Variants in HDAC4 observed in about 807,000 individuals in gnomAD.
HDAC4 encodes histone deacetylase 4, also known as histone deacetylase A.
Under a neutral mutation model 135.1 loss-of-function variants are expected in HDAC4, and 16 were observed. The observed-to-expected ratio is 0.12, with a 90% confidence interval of 0.08 to 0.18. The LOEUF (loss-of-function observed/expected upper bound fraction) is 0.18, where lower values mean the gene tolerates loss of function less well. HDAC4 is among the 10% of genes least tolerant of loss of function. The pLI, the probability that HDAC4 is intolerant of heterozygous loss-of-function variation, is 1.00. For synonymous variants in HDAC4, 685 were observed against 653.4 expected, an observed-to-expected ratio of 1.05 and a Z score of -0.74; for missense variants, 1,143 against 1,511.8, an observed-to-expected ratio of 0.76 and a Z score of 4.05.
Position 239,208,012 on chromosome 2 carries a change from G to A in HDAC4, c.95-17935C>T, listed in dbSNP as rs1337944306. On this transcript the variant is annotated intron_variant, in intron 3 of 26. Transcript: ENST00000543185. The stretch of plus-strand genomic sequence containing the variant: ...AAAAGACAGCAGACCAATACACCTG[G>A]TGTTTTAACACAAGAAAACACAAGA... Among the ~76,000 whole-genome samples, 3 of 146,924 alleles carry A rather than the reference G, an allele frequency of 2.0e-5. No individual in the cohort carries two copies. In the East Asian group the frequency reaches 5.8e-4, roughly 28 times the overall value.
At position 239,307,702 on chromosome 2, in the gene HDAC4, T is replaced by A. The variant is rs1326296708; in HGVS notation, c.22+44976A>T. ...TCAGATGACGTTCTCATGACCGCACTTGGTCTAAGCAAATGCTGCTGGGAT... is the reference window on the plus strand; with the variant it reads ...TCAGATGACGTTCTCATGACCGCACATGGTCTAAGCAAATGCTGCTGGGAT... On this transcript the variant is annotated intron_variant, in intron 2 of 26. Coordinates refer to ENST00000543185, the MANE Select transcript of HDAC4 (RefSeq NM_001378414.1). This position sits in a 1 kb window ranked among gnomAD's most constrained non-coding sequence, Gnocchi z 4.8. 6.6e-6 allele frequency among the ~76,000 whole-genome samples: 1 copy of A among 152,106 alleles called. No homozygotes were observed. The highest frequency in any genetic ancestry group is 6.5e-5 in the Admixed American group (1 of 15,276).
rs1034787021 is a variant in HDAC4, at chr2:239,400,072, T to C, written c.-220+906A>G. Among the ~76,000 whole-genome samples the C allele has an allele frequency of 6.6e-6, 1 of 151,756 alleles. No homozygotes were observed. Among genetic ancestry groups the C allele is most frequent in the Non-Finnish European group, 1.5e-5 (1 of 67,982 alleles). ...CGCTCAATGTAAATACGAGATAATT[T>C]GCTTATGATTCCGTGGTGTGTTTTC... On this transcript the variant is annotated intron_variant, in intron 1 of 26. Transcript: ENST00000543185. This position sits in a 1 kb window ranked among gnomAD's most constrained non-coding sequence, Gnocchi z 4.7.
chr2:239,200,471 G>A (rs1050824668), intron 3 of HDAC4, among the ~76,000 whole-genome samples: 6 of 152,154 alleles, frequency 3.9e-5, no homozygotes, highest in Non-Finnish European at 7.3e-5. Context: ...TGTAACTTAA[G>A]TGGCCCTACC....
intron 2 of HDAC4, among the ~76,000 whole-genome samples, chr2:239,247,640 A>C (rs2048543349): frequency 6.6e-6 from 1 of 152,332 alleles, no homozygotes; most frequent in African/African-American, 2.4e-5. Flanking sequence ...ACTGCTGAAC[A>C]TCACAAACTC....
In HDAC4 at chr2:239,285,727, A is replaced by T. The variant is rs2051101216; in HGVS notation, c.23-49063T>A. 6.6e-6 allele frequency among the ~76,000 whole-genome samples: 1 copy of T among 152,126 alleles called. No individual in the cohort carries two copies. Among genetic ancestry groups the T allele is most frequent in the South Asian group, 2.1e-4 (1 of 4,824 alleles). ...CCAGCAGTAAGGAAACCCTCCAACA[A>T]GCCAGAAATATATAATTAAGGGAAA... On this transcript the variant is annotated intron_variant, in intron 2 of 26. Transcript: ENST00000543185. The surrounding 1 kb of genome is among the most constrained non-coding windows in gnomAD (Gnocchi z 4.5).
At chr2:239,074,080 ACAGGACTGAGGGGGGCCG>A (rs1352507645) in intron 22 of HDAC4, among the ~76,000 whole-genome samples, 9 of 120,706 alleles carry the variant, frequency 7.5e-5, no homozygotes, top group Admixed American at 3.1e-4. Flanking sequence ...TGAGGGGGCC[ACAGGACTGAGGGGGGCCG>A]CAGGACTGAG....
intron 6 of HDAC4, among the ~76,000 whole-genome samples, chr2:239,157,221 G>A (rs1278206743): frequency 1.3e-5 from 2 of 152,220 alleles, no homozygotes; most frequent in East Asian, 1.9e-4. Context: ...GGCAAAAAAC[G>A]GTCTAAGAAC....
chr2:239,298,109 A>C (rs1181256917), intron 2 of HDAC4: 1 of 938,740 alleles, frequency 1.1e-6, no homozygotes, highest in Non-Finnish European at 1.5e-6. Flanking sequence ...ACAGGATAAA[A>C]AAAATTAATG....
In HDAC4 at chr2:239,095,062, G is replaced by T. The variant is rs772328890; in HGVS notation, c.2234-6C>A. 1.6e-4 allele frequency: 255 copies of T among 1,613,706 alleles called. No homozygotes were observed. The highest frequency in any genetic ancestry group is 2.1e-4 in the Non-Finnish European group (244 of 1,179,962). The stretch of plus-strand genomic sequence containing the variant: ...GAACACGGAGGCGAGCGAGCCTGTG[G>T]GGGGGAGGGAGACGGTCAGAGAGGC... On this transcript the variant is annotated splice_region_variant and splice_polypyrimidine_tract_variant and intron_variant, in intron 16 of 26. Coordinates refer to ENST00000543185, the MANE Select transcript of HDAC4 (RefSeq NM_001378414.1).
intron 4 of HDAC4, chr2:239,186,382 T>C (rs1277637025): frequency 6.6e-6 from 1 of 152,174 alleles, no homozygotes; most frequent in East Asian, 1.9e-4. Context: ...TAACAAACAA[T>C]ATGATGGCTT....
Position 239,381,947 on chromosome 2 carries a change from T to G in HDAC4, c.-220+19031A>C, listed in dbSNP as rs189959725. Among the ~76,000 whole-genome samples, 5 of 152,280 alleles carry G rather than the reference T, an allele frequency of 3.3e-5. No homozygotes were observed. In the East Asian group the frequency reaches 9.6e-4, roughly 29 times the overall value. On this transcript the variant is annotated intron_variant, in intron 1 of 26. Transcript: ENST00000543185. Reference sequence around the variant, plus strand: ...TTCCACGTCACACACACACACTCCATCAGCTGAGACTGCTCACTGGGCTTT... The same window carrying G: ...TTCCACGTCACACACACACACTCCAGCAGCTGAGACTGCTCACTGGGCTTT...
chr2:239,227,771 G>C (rs545992103), intron 3 of HDAC4, among the ~76,000 whole-genome samples: 3 of 152,134 alleles, frequency 2.0e-5, no homozygotes, highest in Admixed American at 6.5e-5. Context: ...AAGCCAGAAG[G>C]GCCCTCTGAA....
rs1443984421 is a variant in HDAC4, at chr2:239,074,604, T to C, written c.2751-5997A>G. On this transcript the variant is annotated intron_variant, in intron 22 of 26. Transcript: ENST00000543185. ...TCGGATGCACGTGCCCACACACTCA[T>C]TTTCATTTTACTGGGCTCAACACCC... 2.0e-5 allele frequency among the ~76,000 whole-genome samples: 3 copies of C among 152,214 alleles called. No homozygotes were observed. In the East Asian group the frequency reaches 5.8e-4, roughly 29 times the overall value.
chr2:239,256,866 A>G (rs2049079241), intron 2 of HDAC4, among the ~76,000 whole-genome samples: 1 of 142,690 alleles, frequency 7.0e-6, no homozygotes, highest in Non-Finnish European at 1.5e-5. Context: ...TAATAATACT[A>G]ATTTTACCAT....
At chr2:239,358,621 A>C (rs1693669634) in intron 1 of HDAC4, among the ~76,000 whole-genome samples, 1 of 152,184 alleles carries the variant, frequency 6.6e-6, no homozygotes, top group Admixed American at 6.5e-5. Context: ...CTCACACCTC[A>C]GTATCTCTGT....
chr2:239,131,951 C>T (rs948774058), intron 11 of HDAC4, among the ~76,000 whole-genome samples: 96 of 152,276 alleles, frequency 6.3e-4, no homozygotes, highest in African/African-American at 2.0e-3. Context: ...GAGGACAGAC[C>T]GGAGGGGAGG....
At chr2:239,075,418 G>A (rs993648286) in intron 22 of HDAC4, among the ~76,000 whole-genome samples, 1 of 151,990 alleles carries the variant, frequency 6.6e-6, no homozygotes, top group African/African-American at 2.4e-5. Flanking sequence ...CCCACTGATC[G>A]TCCACTGATC....
In HDAC4 at chr2:239,172,267, T is replaced by C. The variant is rs60257676; in HGVS notation, c.490+4146A>G. Among the ~76,000 whole-genome samples the C allele has an allele frequency of 3.8e-3, 430 of 113,728 alleles. 3 individuals are homozygous for C. The highest frequency in any genetic ancestry group is 0.014 in the African/African-American group (407 of 28,914). 74.6% of individuals were successfully genotyped at this position (113,728 alleles called of 152,430 possible). ...GATAATCAGTAAAGAAACAGCAAAA[T>C]AGTGATTACCAAGCTGGTGAAAAAA... is the stretch of plus-strand genomic sequence containing the variant. On this transcript the variant is annotated intron_variant, in intron 5 of 26. Transcript: ENST00000543185.
intron 2 of HDAC4, among the ~76,000 whole-genome samples, chr2:239,290,966 T>A (rs1207994800): frequency 6.6e-6 from 1 of 152,114 alleles, no homozygotes; most frequent in East Asian, 1.9e-4. Flanking sequence ...CTTTATCCAA[T>A]CATGACTAAT....
Sources: allele counts gnomAD v4.1 joint callset (sites outside exome capture counted in the v4.1 genomes callset), GRCh38; gene constraint gnomAD v4.1.1; non-coding constraint Gnocchi (gnomAD v3.1); transcripts MANE v1.5; gene names NCBI Gene and HGNC (gene_info 2026-07-23, HGNC 2026-07-21).